NTRK3: variants seen among roughly 807,000 people sequenced by gnomAD.
NTRK3 encodes the protein NT-3 growth factor receptor.
In NTRK3, 24 loss-of-function variants were observed where a neutral mutation model predicts 91.7. The observed-to-expected ratio is 0.26, with a 90% CI of 0.19 to 0.37. The LOEUF is 0.37. Ranked by LOEUF, NTRK3 falls within the 10% of genes least tolerant of loss-of-function variation. The pLI, the probability that NTRK3 is intolerant of heterozygous loss-of-function variation, is 1.00. For synonymous variants in NTRK3, 483 were observed against 404.0 expected, an observed-to-expected ratio of 1.20 and a Z score of -2.34; for missense variants, 880 against 1,068.9, an observed-to-expected ratio of 0.82 and a Z score of 2.46.
At chr15:88,109,803 C>T (rs537823722) in intron 13 of NTRK3, among the ~76,000 whole-genome samples, 7 of 152,144 alleles carry the variant, frequency 4.6e-5, no homozygotes, top group Middle Eastern at 3.4e-3. Flanking sequence ...GATCCCCATG[C>T]GATTCTACCA....
intron 14 of NTRK3, 96 bp downstream of exon 14, chr15:88,032,761 A>T: frequency 7.4e-7 from 1 of 1,347,394 alleles, no homozygotes; most frequent in South Asian, 1.2e-5. Flanking sequence ...GGCAGGTAGC[A>T]GGTCACCCTA....
chr15:87,878,932 TGTGTGTG>T (rs1296536357), intron 18 of NTRK3, among the ~76,000 whole-genome samples: 1 of 151,684 alleles, frequency 6.6e-6, no homozygotes, highest in Non-Finnish European at 1.5e-5. Flanking sequence ...TGTGTGTGTG[TGTGTGTG>T]TGTGTGTGTG....
chr15:88,244,157 G>A (rs1046216865), intron 3 of NTRK3, among the ~76,000 whole-genome samples: 9 of 152,168 alleles, frequency 5.9e-5, no homozygotes, highest in Non-Finnish European at 1.2e-4. Context: ...AGCAGGCCAA[G>A]GGGATCTCAT....
At chr15:87,900,555 C>T (rs2066388062) in intron 17 of NTRK3, among the ~76,000 whole-genome samples, 2 of 152,190 alleles carry the variant, frequency 1.3e-5, no homozygotes, top group South Asian at 4.1e-4. Context: ...CAGAGTTTTG[C>T]TAAGATTCCT....
At chr15:88,180,867 G>T (rs1192093976) in intron 5 of NTRK3, among the ~76,000 whole-genome samples, 1 of 152,180 alleles carries the variant, frequency 6.6e-6, no homozygotes, top group African/African-American at 2.4e-5. Context: ...TCCCAAAGCT[G>T]CCGGGAAATT....
chr15:87,969,976 G>A (rs2073122495), intron 14 of NTRK3, among the ~76,000 whole-genome samples: 1 of 152,168 alleles, frequency 6.6e-6, no homozygotes, highest in Admixed American at 6.5e-5. Context: ...TATTCAGAGA[G>A]AGAGAAGGAC....
intron 13 of NTRK3, among the ~76,000 whole-genome samples, chr15:88,067,549 G>T (rs750082663): frequency 4.6e-5 from 7 of 152,206 alleles, no homozygotes; most frequent in African/African-American, 7.2e-5. Flanking sequence ...AGCTAAATTT[G>T]TGGTGGGTCA....
At chr15:88,083,919 A>G (rs561659605) in intron 13 of NTRK3, among the ~76,000 whole-genome samples, 24 of 152,168 alleles carry the variant, frequency 1.6e-4, no homozygotes, top group Admixed American at 1.4e-3. Context: ...ACAGCCTCCA[A>G]TTCTGTCCCA....
chr15:88,166,643 T>C (rs987957421), intron 5 of NTRK3, among the ~76,000 whole-genome samples: 1 of 152,192 alleles, frequency 6.6e-6, no homozygotes, highest in African/African-American at 2.4e-5. Flanking sequence ...GAAGAAACAA[T>C]TTTTAAATAT....
At chr15:88,077,620 G>A (rs191516519) in intron 13 of NTRK3, among the ~76,000 whole-genome samples, 8 of 152,214 alleles carry the variant, frequency 5.3e-5, no homozygotes, top group Non-Finnish European at 8.8e-5. Flanking sequence ...GGGGAACAAC[G>A]ACGACGTTAT....
At chr15:88,105,139 C>T (rs987830282) in intron 13 of NTRK3, among the ~76,000 whole-genome samples, 3 of 152,180 alleles carry the variant, frequency 2.0e-5, no homozygotes, top group African/African-American at 7.2e-5. Flanking sequence ...CTAAACTACA[C>T]CTAGAGAGAG....
intron 17 of NTRK3, among the ~76,000 whole-genome samples, chr15:87,908,834 T>C (rs1324739093): frequency 6.6e-6 from 1 of 152,030 alleles, no homozygotes; most frequent in East Asian, 2.0e-4. Flanking sequence ...CAGCACATCA[T>C]GACACCACTC....
At chr15:88,004,749 T>C in intron 14 of NTRK3, among the ~76,000 whole-genome samples, 1 of 151,908 alleles carries the variant, frequency 6.6e-6, no homozygotes, top group East Asian at 1.9e-4. Context: ...GAGGCCAAAC[T>C]TAAAAGCTCT....
chr15:88,037,593 AG>A (rs1567270631), intron 13 of NTRK3, among the ~76,000 whole-genome samples: 1 of 152,178 alleles, frequency 6.6e-6, no homozygotes, highest in African/African-American at 2.4e-5. Flanking sequence ...CATTCAAAGA[AG>A]GAGAGTGTCT....
At chr15:87,946,061 A>G (rs2070462358) in intron 14 of NTRK3, 1 of 152,194 alleles carries the variant, frequency 6.6e-6, no homozygotes, top group African/African-American at 2.4e-5. Context: ...TAGGAGCTCA[A>G]TACCTATCTT....
At chr15:88,091,508 G>A (rs2049011214) in intron 13 of NTRK3, among the ~76,000 whole-genome samples, 3 of 152,210 alleles carry the variant, frequency 2.0e-5, no homozygotes, top group Admixed American at 1.3e-4. Flanking sequence ...AGTATTCTGT[G>A]CCTGATTTCA....
intron 17 of NTRK3, among the ~76,000 whole-genome samples, chr15:87,892,235 A>G (rs1596116233): frequency 6.6e-6 from 1 of 152,298 alleles, no homozygotes; most frequent in East Asian, 1.9e-4. Context: ...GGTGTTGAAA[A>G]TGAATCTCTA....
chr15:88,019,054 C>A (rs2077428999), intron 14 of NTRK3, among the ~76,000 whole-genome samples: 1 of 152,112 alleles, frequency 6.6e-6, no homozygotes, highest in Admixed American at 6.5e-5. Flanking sequence ...GCTAAAACCA[C>A]AAGCAGAAAT....
chr15:87,962,110 C>A (rs1013860346), intron 14 of NTRK3, among the ~76,000 whole-genome samples: 2 of 152,210 alleles, frequency 1.3e-5, no homozygotes, highest in Non-Finnish European at 2.9e-5. Flanking sequence ...AACCTAATTG[C>A]ACTTATTGGT....
Sources: gnomAD v4.1 joint callset for allele counts (sites outside exome capture counted in the v4.1 genomes callset) on GRCh38, gnomAD v4.1.1 for gene constraint, MANE v1.5 for transcripts, NCBI Gene and HGNC (gene_info 2026-07-23, HGNC 2026-07-21) for gene names.